B3GALT1: variants seen among roughly 807,000 people sequenced by gnomAD.
The protein encoded by B3GALT1 is beta-1,3-galactosyltransferase 1.
B3GALT1 carries 10 observed loss-of-function variants against 23.2 expected under a neutral mutation model. The observed-to-expected ratio is 0.43, with a 90% CI of 0.27 to 0.73. The LOEUF is 0.73. Ranked by LOEUF, B3GALT1 falls within the 30% of genes least tolerant of loss-of-function variation. The pLI, the probability that B3GALT1 is intolerant of heterozygous loss-of-function variation, is 0.21. For missense variants in B3GALT1, 299 were observed against 405.4 expected (o/e 0.74, Z 2.25); for synonymous variants, 156 against 141.5 (o/e 1.10, Z -0.73).
At position 167,871,783 on chromosome 2, in the gene B3GALT1, A is replaced by G. The variant is rs1690352602; in HGVS notation, c.*1763A>G. 1 of 152,152 alleles carries G rather than the reference A, an allele frequency of 6.6e-6. No individual in the cohort carries two copies. Among genetic ancestry groups the G allele is most frequent in the African/African-American group, 2.4e-5 (1 of 41,430 alleles). The allele number at this position is 152,152 out of a possible 1,614,324, so 9.4% of individuals were successfully genotyped here. A position where few individuals can be genotyped will look rare whatever the true frequency, so the allele number is the denominator to read the frequency against. ...CTCTTTCAGAAGCAGCAGAATAGGC[A>G]GTCAGCAAACCTGCACATTGCACAT... On this transcript the variant is annotated 3_prime_UTR_variant, in exon 5 of 5. Transcript: ENST00000392690.
At chr2:167,305,983 C>T (rs1696546067) in intron 1 of B3GALT1, among the ~76,000 whole-genome samples, 1 of 151,970 alleles carries the variant, frequency 6.6e-6, no homozygotes, top group Non-Finnish European at 1.5e-5. Context: ...CTCTTTGGTG[C>T]AATTGAAATC....
chr2:167,438,910 C>T (rs1418968592), intron 1 of B3GALT1, among the ~76,000 whole-genome samples: 2 of 152,134 alleles, frequency 1.3e-5, no homozygotes, highest in African/African-American at 4.8e-5. Flanking sequence ...CTATTTCCCC[C>T]TCTCCCATGG....
chr2:167,455,052 T>A (rs1359500614), intron 1 of B3GALT1, among the ~76,000 whole-genome samples: 2 of 152,200 alleles, frequency 1.3e-5, no homozygotes, highest in Non-Finnish European at 2.9e-5. Flanking sequence ...ACTGACTAAC[T>A]TCATTTGCAA....
chr2:167,359,276 A>G (rs896821171), intron 1 of B3GALT1, among the ~76,000 whole-genome samples: 1 of 152,196 alleles, frequency 6.6e-6, no homozygotes, highest in Non-Finnish European at 1.5e-5. Context: ...AGATTTTAGA[A>G]TATATCAAGG....
intron 2 of B3GALT1, among the ~76,000 whole-genome samples, chr2:167,501,193 G>T (rs535592715): frequency 6.6e-6 from 1 of 152,174 alleles, no homozygotes; most frequent in Admixed American, 6.5e-5. Context: ...CACAAATCCA[G>T]AAAACTCTTT....
intron 3 of B3GALT1, among the ~76,000 whole-genome samples, chr2:167,764,927 A>G (rs1457403441): frequency 6.6e-6 from 1 of 152,154 alleles, no homozygotes; most frequent in African/African-American, 2.4e-5. Context: ...GGTTCGGGAT[A>G]GGGTAGAATG....
chr2:167,683,700 C>T (rs1686572318), intron 3 of B3GALT1, among the ~76,000 whole-genome samples: 1 of 151,930 alleles, frequency 6.6e-6, no homozygotes, highest in African/African-American at 2.4e-5. Context: ...CAGCCTGTGA[C>T]AAAGTGAGAG....
At chr2:167,337,109 G>C (rs1483041473) in intron 1 of B3GALT1, among the ~76,000 whole-genome samples, 1 of 152,138 alleles carries the variant, frequency 6.6e-6, no homozygotes, top group African/African-American at 2.4e-5. Flanking sequence ...GACAATACCA[G>C]TATTACTTGA....
chr2:167,314,710 A>C (rs971627217), intron 1 of B3GALT1, among the ~76,000 whole-genome samples: 1 of 152,168 alleles, frequency 6.6e-6, no homozygotes, highest in Non-Finnish European at 1.5e-5. Context: ...TAAGGCTGTT[A>C]ACTTGGATGC....
chr2:167,809,519 G>A (rs1001512032), intron 3 of B3GALT1, among the ~76,000 whole-genome samples: 1 of 152,220 alleles, frequency 6.6e-6, no homozygotes, highest in African/African-American at 2.4e-5. Context: ...ACCCTCAGCT[G>A]CAGGTCTGTT....
chr2:167,624,428 TA>T (rs1269731745), intron 2 of B3GALT1, among the ~76,000 whole-genome samples: 1 of 152,050 alleles, frequency 6.6e-6, no homozygotes, highest in East Asian at 1.9e-4. Context: ...GAACTTCAGT[TA>T]AAATGAAACT....
chr2:167,621,575 A>C (rs900648141), intron 2 of B3GALT1, among the ~76,000 whole-genome samples: 1 of 152,088 alleles, frequency 6.6e-6, no homozygotes, highest in African/African-American at 2.4e-5. Context: ...TTAGCAAAGA[A>C]ATTTCTTTAG....
chr2:167,833,532 A>G (rs981404636), intron 4 of B3GALT1, among the ~76,000 whole-genome samples: 1 of 152,216 alleles, frequency 6.6e-6, no homozygotes, highest in Non-Finnish European at 1.5e-5. Flanking sequence ...CAAGGTAGCT[A>G]TTTCCTGATT....
intron 2 of B3GALT1, among the ~76,000 whole-genome samples, chr2:167,511,327 C>G (rs767419391): frequency 6.6e-6 from 1 of 152,124 alleles, no homozygotes; most frequent in Non-Finnish European, 1.5e-5. Context: ...GGTTTTCCCC[C>G]TTCTGTTCTT....
chr2:167,775,823 A>G (rs1447278973), intron 3 of B3GALT1, among the ~76,000 whole-genome samples: 1 of 152,128 alleles, frequency 6.6e-6, no homozygotes, highest in Non-Finnish European at 1.5e-5. Flanking sequence ...ATAATAGGAA[A>G]TGTGCTTTCA....
chr2:167,432,669 T>C (rs930008314), intron 1 of B3GALT1, among the ~76,000 whole-genome samples: 5 of 152,180 alleles, frequency 3.3e-5, no homozygotes, highest in African/African-American at 1.2e-4. Flanking sequence ...TCCTCCACCT[T>C]TGAAAAACTC....
At chr2:167,531,578 A>T (rs1683327403) in intron 2 of B3GALT1, among the ~76,000 whole-genome samples, 1 of 152,130 alleles carries the variant, frequency 6.6e-6, no homozygotes, top group Non-Finnish European at 1.5e-5. Context: ...TCTGATCATA[A>T]AAATAATATA....
chr2:167,816,243 A>G (rs1688989665), intron 3 of B3GALT1, among the ~76,000 whole-genome samples: 2 of 152,216 alleles, frequency 1.3e-5, no homozygotes, highest in African/African-American at 4.8e-5. Flanking sequence ...CATTGATGGC[A>G]ATTAAGTATT....
intron 1 of B3GALT1, among the ~76,000 whole-genome samples, chr2:167,369,061 T>TGTGTGTGTGTG (rs1697636682): frequency 6.8e-6 from 1 of 147,468 alleles, no homozygotes; most frequent in African/African-American, 2.6e-5. Context: ...AAACTCTTAT[T>TGTGTGTGTGTG]TGTGTGTGTG....
Sources: gnomAD v4.1 joint callset for allele counts (sites outside exome capture counted in the v4.1 genomes callset) on GRCh38, gnomAD v4.1.1 for gene constraint, MANE v1.5 for transcripts, NCBI Gene and HGNC (gene_info 2026-07-23, HGNC 2026-07-21) for gene names.